Variants in DNM3 observed in about 807,000 individuals in gnomAD.
DNM3 encodes dynamin 3.
DNM3 carries 47 observed loss-of-function variants against 101.6 expected under a neutral mutation model. The ratio of observed to expected loss-of-function variants is 0.46; its 90% confidence interval spans 0.37 to 0.59. The LOEUF is 0.59. DNM3 is among the 20% of genes least tolerant of loss of function. DNM3 has a pLI of 0.00. For missense variants in DNM3, 849 were observed against 1,085.7 expected (o/e 0.78, Z 3.06); for synonymous variants, 385 against 387.9 (o/e 0.99, Z 0.09).
intron 1 of DNM3, among the ~76,000 whole-genome samples, chr1:171,885,834 C>A (rs2036711041): frequency 6.6e-6 from 1 of 152,076 alleles, no homozygotes; most frequent in South Asian, 2.1e-4. Flanking sequence ...CAAGGGGTGG[C>A]CAAGGGTAGC....
intron 9 of DNM3, among the ~76,000 whole-genome samples, chr1:172,045,924 T>A (rs1455410405): frequency 1.3e-5 from 2 of 152,212 alleles, no homozygotes; most frequent in Non-Finnish European, 2.9e-5. Flanking sequence ...CTTGAGTTAT[T>A]TGTTGTTTTA....
chr1:172,214,821 T>C (rs2060636931), intron 14 of DNM3, among the ~76,000 whole-genome samples: 1 of 152,120 alleles, frequency 6.6e-6, no homozygotes, highest in Non-Finnish European at 1.5e-5. Flanking sequence ...CTGCAATTAG[T>C]GTATTTTAAA....
downstream of DNM3, among the ~76,000 whole-genome samples, chr1:172,413,600 C>T (rs936191442): frequency 2.0e-5 from 3 of 152,124 alleles, no homozygotes; most frequent in African/African-American, 7.2e-5. Flanking sequence ...TTTTGAGTTT[C>T]CAGAGAATAG....
rs145694971 is a variant in DNM3 at position 172,226,363 on chromosome 1, G to A, written c.1660-27210G>A. Among the ~76,000 whole-genome samples, 335 of 152,280 alleles carry A rather than the reference G, an allele frequency of 2.2e-3. 1 individual carries two copies. Among genetic ancestry groups the A allele is most frequent in the African/African-American group, 7.5e-3 (313 of 41,548 alleles). ...AACATAGATACTTTTAAAAAAGATA[G>A]TAGATTACAGAGTACATACTTAACT... On this transcript the variant is annotated intron_variant, in intron 14 of 20. Transcript: ENST00000627582.
At chr1:172,091,743 G>A (rs1412076721) in intron 12 of DNM3, among the ~76,000 whole-genome samples, 2 of 152,108 alleles carry the variant, frequency 1.3e-5, no homozygotes, top group East Asian at 1.9e-4. Flanking sequence ...TGCAGTACAC[G>A]GTTTCGAGCA....
intron 1 of DNM3, among the ~76,000 whole-genome samples, chr1:171,859,190 G>A (rs569244981): frequency 3.3e-5 from 5 of 152,048 alleles, no homozygotes; most frequent in South Asian, 2.1e-4. Context: ...CACCCACCAC[G>A]CTGTTTCATT....
intron 4 of DNM3, among the ~76,000 whole-genome samples, chr1:172,007,672 C>T (rs12059441): frequency 0.017 from 2,521 of 152,028 alleles, 80 homozygotes; most frequent in African/African-American, 0.057. Context: ...TTTGATTATG[C>T]CCATAATCAC....
chr1:172,199,302 T>C (rs2060066083), intron 14 of DNM3, among the ~76,000 whole-genome samples: 1 of 152,094 alleles, frequency 6.6e-6, no homozygotes, highest in South Asian at 2.1e-4. Context: ...TTCTTTTTCA[T>C]TTGTAGAGGA....
At chr1:171,895,922 C>G (rs887166825) in intron 1 of DNM3, among the ~76,000 whole-genome samples, 4 of 152,096 alleles carry the variant, frequency 2.6e-5, no homozygotes, top group African/African-American at 4.8e-5. Flanking sequence ...TTGTTTTTGT[C>G]AGGTTTGTCA....
intron 1 of DNM3, among the ~76,000 whole-genome samples, chr1:171,900,978 T>G (rs1571506591): frequency 1.3e-5 from 2 of 150,340 alleles, no homozygotes; most frequent in Middle Eastern, 3.5e-3. Flanking sequence ...CCGGGCGTGG[T>G]GGCGGGCGCC....
chr1:172,245,366 A>C (rs1288070752), intron 14 of DNM3, among the ~76,000 whole-genome samples: 1 of 152,226 alleles, frequency 6.6e-6, no homozygotes, highest in Non-Finnish European at 1.5e-5. Flanking sequence ...AGTAAGACAA[A>C]AGCACAAAGT....
chr1:172,174,529 C>T (rs565095103), intron 14 of DNM3, among the ~76,000 whole-genome samples: 8 of 151,780 alleles, frequency 5.3e-5, no homozygotes, highest in Non-Finnish European at 1.2e-4. Context: ...ACAAGTTACA[C>T]GTTGTTGATT....
intron 14 of DNM3, among the ~76,000 whole-genome samples, chr1:172,195,925 G>A (rs960880843): frequency 3.3e-5 from 5 of 150,598 alleles, no homozygotes; most frequent in African/African-American, 1.2e-4. Context: ...TTCTATTTTA[G>A]GTTTGGGGGA....
intron 14 of DNM3, among the ~76,000 whole-genome samples, chr1:172,144,097 A>G (rs1027595635): frequency 3.9e-5 from 6 of 151,964 alleles, no homozygotes; most frequent in African/African-American, 1.2e-4. Flanking sequence ...TCATTAAACT[A>G]TTCTTAAGTG....
intron 14 of DNM3, among the ~76,000 whole-genome samples, chr1:172,243,942 G>A (rs952307317): frequency 2.6e-5 from 4 of 151,924 alleles, no homozygotes; most frequent in African/African-American, 9.7e-5. Context: ...GTATACATGT[G>A]CCATGCTGGT....
At chr1:171,969,269 A>T (rs528553125) in intron 2 of DNM3, among the ~76,000 whole-genome samples, 1 of 152,358 alleles carries the variant, frequency 6.6e-6, no homozygotes, top group Non-Finnish European at 1.5e-5. Flanking sequence ...AAGAAGGGCC[A>T]CATGGTTGAT....
chr1:172,133,775 C>T (rs2057069166), intron 14 of DNM3, among the ~76,000 whole-genome samples: 1 of 151,976 alleles, frequency 6.6e-6, no homozygotes, highest in Non-Finnish European at 1.5e-5. Flanking sequence ...AAGAATATTC[C>T]AGGTAGAGGG....
intron 17 of DNM3, among the ~76,000 whole-genome samples, chr1:172,350,486 T>A (rs1301736906): frequency 6.6e-6 from 1 of 152,188 alleles, no homozygotes; most frequent in Admixed American, 6.5e-5. Context: ...CAAAGATTAC[T>A]TAACTGTCGT....
At chr1:172,162,596 G>A (rs931478185) in intron 14 of DNM3, among the ~76,000 whole-genome samples, 12 of 151,938 alleles carry the variant, frequency 7.9e-5, no homozygotes, top group African/African-American at 2.9e-4. Flanking sequence ...TTCCTTGCAT[G>A]CCTTTTTATA....
Sources: allele counts gnomAD v4.1 joint callset (sites outside exome capture counted in the v4.1 genomes callset), GRCh38; gene constraint gnomAD v4.1.1; transcripts MANE v1.5; gene names NCBI Gene and HGNC (gene_info 2026-07-23, HGNC 2026-07-21).